ADAM19: variants seen among roughly 807,000 people sequenced by gnomAD.
The protein encoded by ADAM19 is disintegrin and metalloproteinase domain-containing protein 19.
In ADAM19, 65 loss-of-function variants were observed where a neutral mutation model predicts 114.7. That is an observed-to-expected ratio of 0.57 (90% CI 0.46 to 0.70). ADAM19 has a LOEUF of 0.70. ADAM19 is among the 30% of genes least tolerant of loss of function. ADAM19 has a pLI of 0.00. For synonymous variants in ADAM19, 466 were observed against 460.5 expected (o/e 1.01, Z -0.15); for missense variants, 1,063 against 1,204.7 (o/e 0.88, Z 1.74).
At chr5:157,556,009 C>A (rs1322431294) in intron 3 of ADAM19, among the ~76,000 whole-genome samples, 1 of 151,992 alleles carries the variant, frequency 6.6e-6, no homozygotes, top group Non-Finnish European at 1.5e-5. Context: ...CCAAGATAAT[C>A]TTCTCATCTC....
At position 157,478,680 on chromosome 5, in the gene ADAM19, G is replaced by A. The variant is rs11466819; in HGVS notation, c.*2269C>T. The A allele has an allele frequency of 4.3e-3, 4,218 of 985,814 alleles. 176 individuals carry two copies. In the African/African-American group the frequency reaches 0.068, roughly 16 times the overall value. 61.1% of individuals were successfully genotyped at this position (985,814 alleles called of 1,614,324 possible). ...TGAAGCATTAGTAGAACTGGTTGCCGAAAGTCTATCAAATTCCAAAACATT... is the reference window on the plus strand; with the variant it reads ...TGAAGCATTAGTAGAACTGGTTGCCAAAAGTCTATCAAATTCCAAAACATT... On this transcript the variant is annotated 3_prime_UTR_variant, in exon 23 of 23. Coordinates refer to ENST00000257527, the MANE Select transcript of ADAM19 (RefSeq NM_033274.5).
At chr5:157,550,174 G>A (rs1186218183) in intron 3 of ADAM19, among the ~76,000 whole-genome samples, 2 of 152,180 alleles carry the variant, frequency 1.3e-5, no homozygotes, top group African/African-American at 2.4e-5. Flanking sequence ...AAAATCGGAA[G>A]TTTATGTCAC....
chr5:157,494,876 A>C (rs1755305636), intron 14 of ADAM19, 81 bp from the exon 15 acceptor site: 2 of 1,143,104 alleles, frequency 1.7e-6, no homozygotes, highest in Admixed American at 2.0e-5. Context: ...TAAAGTCATG[A>C]AGGTAAGAAT....
At chr5:157,513,545 T>C (rs781577459) in intron 7 of ADAM19, 40 bp from the exon 8 acceptor site, 1 of 1,568,236 alleles carries the variant, frequency 6.4e-7, no homozygotes, top group Non-Finnish European at 8.8e-7. Context: ...TCCCAGAACC[T>C]CTCACAGGAT....
rs370462690 is a variant in ADAM19 at position 157,488,420 on chromosome 5, G to A, written c.2395C>T (p.Arg799Cys). ...PPPRPPPDYL[R>C]GGSPPAPLPA... is the part of the protein sequence containing the mutation. The stretch of plus-strand genomic sequence containing the variant: ...AGTGGTGCAGGTGGGGACCCACCAC[G>A]CAGATAATCTGGAGGGGGCCGGGGA... Residue 799 changes from arginine (R) to cysteine (C), a missense_variant, in exon 21 of 23, where the codon CGT (arginine) becomes TGT (cysteine). Physicochemically the swap from Arg to Cys is radical, Grantham distance 180 (BLOSUM62 -3). Transcript: ENST00000257527. The A allele has an allele frequency of 2.1e-5, 34 of 1,613,592 alleles. No homozygotes were observed. The highest frequency in any genetic ancestry group is 1.7e-4 in the Middle Eastern group (1 of 6,058).
chr5:157,549,970 C>A (rs1285825056), intron 3 of ADAM19, among the ~76,000 whole-genome samples: 1 of 152,156 alleles, frequency 6.6e-6, no homozygotes, highest in East Asian at 1.9e-4. Context: ...AAAAACTTTA[C>A]CCGAAGTGAA....
chr5:157,550,237 G>T (rs1315792166), intron 3 of ADAM19, among the ~76,000 whole-genome samples: 1 of 91,490 alleles, frequency 1.1e-5, no homozygotes, highest in Non-Finnish European at 2.1e-5. Flanking sequence ...CTCTCTGCAG[G>T]TGCAAGGAAA....
chr5:157,515,485 C>T (rs897791429), intron 7 of ADAM19, among the ~76,000 whole-genome samples: 1 of 152,202 alleles, frequency 6.6e-6, no homozygotes, highest in Admixed American at 6.5e-5. Context: ...ATAGTCTCTG[C>T]TACAACTCTT....
At chr5:157,556,081 G>A (rs1467870843) in intron 3 of ADAM19, among the ~76,000 whole-genome samples, 3 of 152,084 alleles carry the variant, frequency 2.0e-5, no homozygotes, top group African/African-American at 4.8e-5. Flanking sequence ...TCGCTCTGTC[G>A]CTGAGGCTGG....
chr5:157,575,542 CA>C, intron 1 of ADAM19, 60 bp downstream of exon 1: 1 of 1,287,672 alleles, frequency 7.8e-7, no homozygotes. Flanking sequence ...TCCGGACCCG[CA>C]AGGCTACTCC....
At position 157,492,436 on chromosome 5, in the gene ADAM19, A is replaced by G. The variant is rs149495629; in HGVS notation, c.1909-524T>C. ...TACTTTTGTGATTAGGGAGAAAACG[A>G]CAAATATATTGTTAAAGTATCATAT... On this transcript the variant is annotated intron_variant, in intron 16 of 22. Transcript: ENST00000257527. Among the ~76,000 whole-genome samples, 7 of 152,374 alleles carry G rather than the reference A, an allele frequency of 4.6e-5. No individual in the cohort carries two copies. The East Asian group carries it at 1.3e-3, about 29-fold the overall frequency.
intron 2 of ADAM19, among the ~76,000 whole-genome samples, chr5:157,567,813 TA>T (rs1248992073): frequency 2.8e-5 from 4 of 144,414 alleles, no homozygotes; most frequent in African/African-American, 1.0e-4. Context: ...AAAAAAAAAA[TA>T]AAAAAGAAAG....
At chr5:157,506,554 A>G (rs1289591203) in intron 10 of ADAM19, among the ~76,000 whole-genome samples, 1 of 152,256 alleles carries the variant, frequency 6.6e-6, no homozygotes, top group African/African-American at 2.4e-5. Context: ...ATAGAGGGAC[A>G]GACAAATAGA....
chr5:157,524,342 C>T lies in ADAM19; in HGVS notation c.408-4311G>A, dbSNP rs191388860. Among the ~76,000 whole-genome samples the T allele has an allele frequency of 4.7e-3, 715 of 152,358 alleles. 9 individuals carry two copies. Among genetic ancestry groups the T allele is most frequent in the African/African-American group, 0.016 (646 of 41,584 alleles). ...TGCCATTCTCCATTCTGTTCTCCAT[C>T]CTATTGCTCATCGTTAAGAGATGGA... On this transcript the variant is annotated intron_variant, in intron 5 of 22. Coordinates refer to ENST00000257527, the MANE Select transcript of ADAM19 (RefSeq NM_033274.5).
At chr5:157,534,632 TG>T (rs1450057472) in intron 4 of ADAM19, among the ~76,000 whole-genome samples, 1 of 152,220 alleles carries the variant, frequency 6.6e-6, no homozygotes, top group Admixed American at 6.5e-5. Context: ...CACTCCAGCC[TG>T]GGGGACAGAG....
chr5:157,509,888 G>A (rs1248640981), intron 8 of ADAM19, among the ~76,000 whole-genome samples: 1 of 152,182 alleles, frequency 6.6e-6, no homozygotes, highest in Non-Finnish European at 1.5e-5. Context: ...AAACAGACAG[G>A]AACATAAATT....
chr5:157,539,036 G>A (rs1191954803), intron 3 of ADAM19, among the ~76,000 whole-genome samples: 1 of 151,844 alleles, frequency 6.6e-6, no homozygotes, highest in African/African-American at 2.4e-5. Context: ...GTGGTAGCAG[G>A]TGCCTAGCTG....
chr5:157,518,707 T>G, intron 7 of ADAM19, 116 bp downstream of exon 7: 1 of 941,362 alleles, frequency 1.1e-6, no homozygotes. Flanking sequence ...AAGGTCAAAA[T>G]CATAGATGAA....
chr5:157,511,865 C>T (rs888061816), intron 8 of ADAM19, among the ~76,000 whole-genome samples: 1 of 152,184 alleles, frequency 6.6e-6, no homozygotes, highest in Non-Finnish European at 1.5e-5. Context: ...CATGGGCCAC[C>T]CAGGCTTAGG....
Sources: allele counts gnomAD v4.1 joint callset (sites outside exome capture counted in the v4.1 genomes callset), GRCh38; gene constraint gnomAD v4.1.1; transcripts MANE v1.5; gene names NCBI Gene and HGNC (gene_info 2026-07-23, HGNC 2026-07-21).